COBL: variants seen among roughly 807,000 people sequenced by gnomAD.
COBL encodes cordon-bleu WH2 repeat protein.
A neutral mutation model predicts 98.8 loss-of-function variants in COBL; 51 were observed. That is an observed-to-expected ratio of 0.52 (90% confidence interval 0.41 to 0.65). COBL has a LOEUF of 0.65. COBL is among the 30% of genes least tolerant of loss of function. The pLI is 0.00. For synonymous variants in COBL, 634 were observed against 651.7 expected, an observed-to-expected ratio of 0.97 and a Z score of 0.41; for missense variants, 1,617 against 1,617.5, an observed-to-expected ratio of 1.00 and a Z score of 0.01.
Position 51,026,622 on chromosome 7 carries a change from T to C in COBL, c.3428A>G (p.Tyr1143Cys), listed in dbSNP as rs752710075. Reference sequence around the variant, plus strand: ...AGATCGTTCGCCCTCTGCCTCCGTGTAGGACAGTTTCGCTGGCCTGCCCTC... The same window carrying C: ...AGATCGTTCGCCCTCTGCCTCCGTGCAGGACAGTTTCGCTGGCCTGCCCTC... ...TGEGRPAKLS[Y>C]TEAEGERSAL... The change falls in exon 11 of 13, where the codon TAC becomes TGC. Residue 1143 changes from tyrosine to cysteine, a missense_variant. This residue lies in a region of COBL where 1,304 missense variants were observed against 1,282.0 expected (regional missense o/e 1.02). Transcript: ENST00000265136. 6.2e-7 allele frequency: 1 copy of C among 1,614,154 alleles called. No individual in the cohort carries two copies. Among genetic ancestry groups the C allele is most frequent in the South Asian group, 1.1e-5 (1 of 91,084 alleles).
chr7:51,271,171 T>C (rs1251609353), intron 1 of COBL, among the ~76,000 whole-genome samples: 2 of 152,162 alleles, frequency 1.3e-5, no homozygotes, highest in Non-Finnish European at 2.9e-5. Flanking sequence ...TTTCTCCATA[T>C]AATGGCAGGG....
At chr7:51,133,549 C>G (rs1273587799) in intron 6 of COBL, among the ~76,000 whole-genome samples, 1 of 152,144 alleles carries the variant, frequency 6.6e-6, no homozygotes, top group Non-Finnish European at 1.5e-5. Context: ...TCAGGTGGGG[C>G]CCAGGAAAAT....
intron 1 of COBL, among the ~76,000 whole-genome samples, chr7:51,243,983 T>C (rs757480555): frequency 6.6e-6 from 1 of 152,114 alleles, no homozygotes; most frequent in Non-Finnish European, 1.5e-5. Context: ...CTGTGAATCT[T>C]CAAAATTAAA....
At chr7:51,157,010 G>T (rs1038640598) in intron 5 of COBL, among the ~76,000 whole-genome samples, 29 of 152,154 alleles carry the variant, frequency 1.9e-4, no homozygotes, top group African/African-American at 7.0e-4. Context: ...CTACCTCCTC[G>T]CCAGGGCCTC....
chr7:51,265,174 T>C (rs940482914), intron 1 of COBL, among the ~76,000 whole-genome samples: 5 of 152,212 alleles, frequency 3.3e-5, no homozygotes, highest in Non-Finnish European at 5.9e-5. Flanking sequence ...TTCCCAGTCC[T>C]TTAACAACCG....
rs146409423 is a variant in COBL at position 51,062,267 on chromosome 7, G to GTCTCTC, written c.1097-18581_1097-18576dup. Among the ~76,000 whole-genome samples, 606 of 149,136 alleles carry GTCTCTC rather than the reference G, an allele frequency of 4.1e-3. 2 individuals carry two copies. The highest frequency in any genetic ancestry group is 9.7e-3 in the African/African-American group (395 of 40,618). On this transcript the variant is annotated intron_variant, in intron 7 of 12. Transcript: ENST00000265136. ...GTTTGCTGCAGTAACAACAGTTCAT[G>GTCTCTC]TCTCTCTCTCTCTCTCTCTCTCTCT...
intron 1 of COBL, among the ~76,000 whole-genome samples, chr7:51,272,948 C>CCAACAACAACAACAA (rs202039697): frequency 1.4e-5 from 2 of 146,100 alleles, no homozygotes; most frequent in Admixed American, 6.7e-5. Context: ...GAACACAATA[C>CCAACAACAACAACAA]CAACAACAAC....
chr7:51,243,285 C>T (rs897479952), intron 1 of COBL, among the ~76,000 whole-genome samples: 1 of 152,194 alleles, frequency 6.6e-6, no homozygotes, highest in African/African-American at 2.4e-5. Flanking sequence ...CTGGAGCTGA[C>T]GCTGGGGTGT....
chr7:51,120,654 C>G (rs2128988906), intron 6 of COBL, among the ~76,000 whole-genome samples: 1 of 152,182 alleles, frequency 6.6e-6, no homozygotes, highest in South Asian at 2.1e-4. Flanking sequence ...CCCCCCAGGC[C>G]CTGGCAACCA....
At chr7:51,026,362 C>T (rs1787552153) in intron 11 of COBL, among the ~76,000 whole-genome samples, 184 bp downstream of exon 11, 1 of 152,206 alleles carries the variant, frequency 6.6e-6, no homozygotes, top group Non-Finnish European at 1.5e-5. Context: ...ATGGCTGCCC[C>T]AGGCTCTTGG....
chr7:51,126,281 T>C lies in COBL; in HGVS notation c.957+9877A>G, dbSNP rs1049756947. Among the ~76,000 whole-genome samples, 9 of 152,274 alleles carry C rather than the reference T, an allele frequency of 5.9e-5. No homozygotes were observed. The South Asian group carries it at 1.2e-3, about 21-fold the overall frequency. ...AGGTGGAGCTTGCAGTGAGCCAGGA[T>C]AGTGCCACTGCACTCCAGCCTGGGC... is the stretch of plus-strand genomic sequence containing the variant. On this transcript the variant is annotated intron_variant, in intron 6 of 12. Transcript: ENST00000265136.
At chr7:51,259,044 T>G (rs1797461930) in intron 1 of COBL, among the ~76,000 whole-genome samples, 1 of 152,056 alleles carries the variant, frequency 6.6e-6, no homozygotes, top group Non-Finnish European at 1.5e-5. Flanking sequence ...TCCCAGCACT[T>G]TGGGAGGCCC....
intron 7 of COBL, among the ~76,000 whole-genome samples, chr7:51,070,220 T>C (rs1476011825): frequency 3.3e-5 from 5 of 152,094 alleles, no homozygotes; most frequent in African/African-American, 1.2e-4. Context: ...AAACCAAAAA[T>C]ATACAGATAA....
At chr7:51,227,211 G>C (rs1156791640) in intron 1 of COBL, among the ~76,000 whole-genome samples, 1 of 152,136 alleles carries the variant, frequency 6.6e-6, no homozygotes, top group Non-Finnish European at 1.5e-5. Flanking sequence ...ACTCTGATGT[G>C]GGGTCTGGAC....
At chr7:51,310,976 T>A (rs1802973824) in intron 1 of COBL, among the ~76,000 whole-genome samples, 1 of 151,732 alleles carries the variant, frequency 6.6e-6, no homozygotes, top group Non-Finnish European at 1.5e-5. Context: ...TTTTTTTTTT[T>A]AAGGGATAAG....
At chr7:51,304,393 T>G (rs1272050493) in intron 1 of COBL, among the ~76,000 whole-genome samples, 1 of 152,200 alleles carries the variant, frequency 6.6e-6, no homozygotes, top group Non-Finnish European at 1.5e-5. Flanking sequence ...ACCCACCTGG[T>G]CCTGGTACAA....
At chr7:51,224,986 G>C (rs1028637499) in intron 1 of COBL, among the ~76,000 whole-genome samples, 16 of 152,072 alleles carry the variant, frequency 1.1e-4, no homozygotes, top group Non-Finnish European at 1.9e-4. Context: ...TGTGAGTGTG[G>C]GTGGACTGTG....
At chr7:51,088,255 T>C (rs549224907) in intron 6 of COBL, among the ~76,000 whole-genome samples, 1 of 152,310 alleles carries the variant, frequency 6.6e-6, no homozygotes, top group Non-Finnish European at 1.5e-5. Context: ...TCTTTCTCTC[T>C]GGGATTTCAA....
intron 6 of COBL, among the ~76,000 whole-genome samples, chr7:51,123,039 A>G (rs1797888590): frequency 6.6e-6 from 1 of 152,170 alleles, no homozygotes; most frequent in Non-Finnish European, 1.5e-5. Context: ...AGACTCAAAG[A>G]CAGTTTAGTT....
Sources: gnomAD v4.1 joint callset for allele counts (sites outside exome capture counted in the v4.1 genomes callset) on GRCh38, gnomAD v4.1.1 for gene constraint, gnomAD v4.1.1 regional missense constraint, MANE v1.5 for transcripts, NCBI Gene and HGNC (gene_info 2026-07-23, HGNC 2026-07-21) for gene names.